Variants in SKI observed in about 807,000 individuals in gnomAD.
SKI encodes the protein SKI proto-oncogene.
Under a neutral mutation model 59.3 loss-of-function variants are expected in SKI, and 23 were observed. The ratio of observed to expected loss-of-function variants is 0.39; its 90% CI spans 0.28 to 0.55. The LOEUF (loss-of-function observed/expected upper bound fraction) is 0.55, where lower values mean the gene tolerates loss of function less well. SKI is among the 20% of genes least tolerant of loss of function. SKI has a pLI of 0.67. For synonymous variants in SKI, 673 were observed against 488.6 expected (o/e 1.38, Z -4.98); for missense variants, 1,017 against 1,038.9 (o/e 0.98, Z 0.29).
At chr1:2,250,057 C>T (rs1639100225) in intron 1 of SKI, among the ~76,000 whole-genome samples, 1 of 152,124 alleles carries the variant, frequency 6.6e-6, no homozygotes, top group Non-Finnish European at 1.5e-5. Flanking sequence ...GGCGCCCGCC[C>T]ACCACGCCCG....
chr1:2,275,046 G>A (rs908059449), intron 1 of SKI, among the ~76,000 whole-genome samples: 6 of 152,196 alleles, frequency 3.9e-5, no homozygotes, highest in Admixed American at 1.3e-4. Context: ...AGCTGAAGCG[G>A]CCTCACAGGG....
chr1:2,287,239 G>A (rs1640058079), intron 1 of SKI, among the ~76,000 whole-genome samples: 1 of 152,198 alleles, frequency 6.6e-6, no homozygotes, highest in East Asian at 1.9e-4. Flanking sequence ...GTGGGAAGGT[G>A]GAGGCGACTT....
chr1:2,261,562 G>T (rs907683139), intron 1 of SKI, among the ~76,000 whole-genome samples: 1 of 152,052 alleles, frequency 6.6e-6, no homozygotes, highest in African/African-American at 2.4e-5. Context: ...GGATATAAAC[G>T]GCCACTACAG....
chr1:2,259,829 C>T (rs900485623), intron 1 of SKI, among the ~76,000 whole-genome samples: 2 of 152,158 alleles, frequency 1.3e-5, no homozygotes, highest in Non-Finnish European at 2.9e-5. Flanking sequence ...CTTCCCTCAG[C>T]GTCATTATTT....
At chr1:2,271,577 C>G (rs535690361) in intron 1 of SKI, among the ~76,000 whole-genome samples, 2 of 152,202 alleles carry the variant, frequency 1.3e-5, no homozygotes, top group African/African-American at 4.8e-5. Context: ...CTGCCCCGGG[C>G]TGACCCCAGA....
Position 2,268,133 on chromosome 1 carries a change from G to A in SKI, c.970-34845G>A, listed in dbSNP as rs1358630372. The stretch of plus-strand genomic sequence containing the variant: ...CATGGCGCCCGCAGCCCTGGCCCAG[G>A]TGCCCCCTGGGTTGTGCGGCGGGGC... On this transcript the variant is annotated intron_variant, in intron 1 of 6. Transcript: ENST00000378536. This position sits in a 1 kb window ranked among gnomAD's most constrained non-coding sequence, Gnocchi z 5.0. 2.0e-5 allele frequency among the ~76,000 whole-genome samples: 3 copies of A among 152,208 alleles called. No individual in the cohort carries two copies. The highest frequency in any genetic ancestry group is 7.2e-5 in the African/African-American group (3 of 41,466).
chr1:2,243,990 G>C (rs915251855), intron 1 of SKI, among the ~76,000 whole-genome samples: 3 of 148,706 alleles, frequency 2.0e-5, no homozygotes, highest in African/African-American at 5.0e-5. Flanking sequence ...TTTTGACACA[G>C]AGTCTCGCTC....
At position 2,303,902 on chromosome 1, in the gene SKI, C is replaced by T. The variant is rs199997665; in HGVS notation, c.1274C>T (p.Ala425Val). Residue 425 changes from alanine to valine, a missense_variant, in exon 4 of 7, where the codon GCC (alanine) becomes GTC (valine). Physicochemically the swap from Ala to Val is moderately conservative, Grantham distance 64. Transcript: ENST00000378536. The surrounding 1 kb of genome is among the most constrained non-coding windows in gnomAD (Gnocchi z 5.6). ...CCCAACGTGGCCCTCGCACCGCCGG[C>T]CCAGCAGAAGGTTGTGAGCAGCCCT... ...VAPNVALAPP[A>V]QQKVVSSPPC... The T allele has an allele frequency of 1.4e-5, 22 of 1,612,328 alleles. No individual in the cohort carries two copies. The African/African-American group carries it at 2.4e-4, about 18-fold the overall frequency.
intron 1 of SKI, among the ~76,000 whole-genome samples, chr1:2,233,235 G>A (rs534833424): frequency 6.8e-6 from 1 of 147,414 alleles, no homozygotes; most frequent in Non-Finnish European, 1.5e-5. Context: ...CAGGGCTGGT[G>A]GGGGGGGTCC....
chr1:2,237,843 C>T (rs1183026838), intron 1 of SKI, among the ~76,000 whole-genome samples: 3 of 152,230 alleles, frequency 2.0e-5, no homozygotes, highest in African/African-American at 4.8e-5. Context: ...CACGCGTGAA[C>T]GCCTCATCCC....
At chr1:2,245,221 C>T (rs1037725341) in intron 1 of SKI, among the ~76,000 whole-genome samples, 1 of 152,128 alleles carries the variant, frequency 6.6e-6, no homozygotes, top group Non-Finnish European at 1.5e-5. Context: ...TCACTCAGCA[C>T]CATGTCCTCA....
At position 2,294,912 on chromosome 1, in the gene SKI, C is replaced by T. The variant is rs372689301; in HGVS notation, c.970-8066C>T. ...GCCTGGGTTGGAGGCCACGCCCACC[C>T]AGTGGGGCCCCTCTGGAAAGGAGAC... On this transcript the variant is annotated intron_variant, in intron 1 of 6. Transcript: ENST00000378536. 3.7e-3 allele frequency among the ~76,000 whole-genome samples: 558 copies of T among 152,366 alleles called. 2 individuals carry two copies. Among genetic ancestry groups the T allele is most frequent in the African/African-American group, 0.013 (528 of 41,584 alleles).
intron 1 of SKI, among the ~76,000 whole-genome samples, chr1:2,249,725 TG>T (rs1639082438): frequency 6.6e-6 from 1 of 152,198 alleles, no homozygotes. Flanking sequence ...CGCGGCCTCA[TG>T]GGGCCTCCCT....
chr1:2,303,157 T>A lies in SKI; in HGVS notation c.1095+54T>A. ...GGTGGTGGGTACTGGGCCCTTCTCC[T>A]TGGGCAGACCCAGCGGCTGGCAGCT... On this transcript the variant is annotated intron_variant, in intron 2 of 6. Transcript: ENST00000378536. This position sits in a 1 kb window ranked among gnomAD's most constrained non-coding sequence, Gnocchi z 5.6. 6.2e-7 allele frequency: 1 copy of A among 1,610,492 alleles called. No individual in the cohort carries two copies. The highest frequency in any genetic ancestry group is 8.5e-7 in the Non-Finnish European group (1 of 1,178,418).
At position 2,268,153 on chromosome 1, in the gene SKI, C is replaced by T. The variant is rs540199710; in HGVS notation, c.970-34825C>T. ...CCCAGGTGCCCCCTGGGTTGTGCGGCGGGGCCCTGGCTCTGTGGGTGGGTG... is the reference window on the plus strand; with the variant it reads ...CCCAGGTGCCCCCTGGGTTGTGCGGTGGGGCCCTGGCTCTGTGGGTGGGTG... On this transcript the variant is annotated intron_variant, in intron 1 of 6. Transcript: ENST00000378536. This position sits in a 1 kb window ranked among gnomAD's most constrained non-coding sequence, Gnocchi z 5.0. Among the ~76,000 whole-genome samples the T allele has an allele frequency of 8.8e-4, 134 of 152,304 alleles. No individual in the cohort carries two copies. The highest frequency in any genetic ancestry group is 2.7e-3 in the African/African-American group (114 of 41,570).
chr1:2,231,462 C>T (rs1038520736), intron 1 of SKI, among the ~76,000 whole-genome samples: 7 of 152,162 alleles, frequency 4.6e-5, no homozygotes, highest in African/African-American at 1.2e-4. Context: ...CTCGTTGTCA[C>T]AGCTGACACA....
chr1:2,305,584 G>A (rs1224158924), intron 5 of SKI, among the ~76,000 whole-genome samples: 5 of 152,200 alleles, frequency 3.3e-5, no homozygotes, highest in Non-Finnish European at 5.9e-5. Context: ...GGGAGAGTGG[G>A]GGGGCTTGCG....
intron 1 of SKI, among the ~76,000 whole-genome samples, chr1:2,297,753 A>G (rs910565407): frequency 6.6e-6 from 1 of 152,216 alleles, no homozygotes; most frequent in African/African-American, 2.4e-5. Flanking sequence ...AGTTCCCATC[A>G]TGGCAGCTGT....
At chr1:2,246,787 G>T (rs1639007034) in intron 1 of SKI, among the ~76,000 whole-genome samples, 1 of 152,168 alleles carries the variant, frequency 6.6e-6, no homozygotes, top group African/African-American at 2.4e-5. Context: ...GCCTGATGGG[G>T]CTGCTCTTCT....
Sources: allele counts gnomAD v4.1 joint callset (sites outside exome capture counted in the v4.1 genomes callset), GRCh38; gene constraint gnomAD v4.1.1; non-coding constraint Gnocchi (gnomAD v3.1); transcripts MANE v1.5; gene names NCBI Gene and HGNC (gene_info 2026-07-23, HGNC 2026-07-21).